Variants in SOX5 observed in about 807,000 individuals in gnomAD.
SOX5 encodes the protein SRY-box transcription factor 5.
A neutral mutation model predicts 92.0 loss-of-function variants in SOX5; 9 were observed. That is an observed-to-expected ratio of 0.10 (90% CI 0.06 to 0.17). SOX5 has a LOEUF of 0.17. Ranked by LOEUF, SOX5 falls within the 10% of genes least tolerant of loss-of-function variation. The pLI is 1.00. For synonymous variants in SOX5, 344 were observed against 336.3 expected (o/e 1.02, Z -0.25); for missense variants, 642 against 944.5 (o/e 0.68, Z 4.20).
chr12:24,241,059 A>T lies in SOX5; in HGVS notation c.-76-27642T>A, dbSNP rs145752872. On this transcript the variant is annotated intron_variant, in intron 3 of 4. Coordinates refer to the SOX5 transcript ENST00000446891. The stretch of plus-strand genomic sequence containing the variant: ...TGATGTACTATGAATTCCCTCTCTC[A>T]GTTTTTATAACTCTAGAAGAGTAGA... 3.5e-3 allele frequency among the ~76,000 whole-genome samples: 534 copies of T among 152,060 alleles called. 4 individuals are homozygous for T. The highest frequency in any genetic ancestry group is 0.012 in the African/African-American group (512 of 41,438).
chr12:23,860,146 G>T (rs1046259426), intron 2 of SOX5, among the ~76,000 whole-genome samples: 13 of 152,014 alleles, frequency 8.6e-5, no homozygotes, highest in African/African-American at 3.1e-4. Context: ...GGTCTTCTTG[G>T]GGGGAAACGG....
At chr12:24,098,237 A>G (rs999612105) in intron 4 of SOX5, among the ~76,000 whole-genome samples, 3 of 152,164 alleles carry the variant, frequency 2.0e-5, no homozygotes, top group Non-Finnish European at 2.9e-5. Flanking sequence ...ACACATCCTT[A>G]TTAACCACTT....
At chr12:24,460,158 G>A (rs1943464496) in intron 1 of SOX5, among the ~76,000 whole-genome samples, 1 of 152,142 alleles carries the variant, frequency 6.6e-6, no homozygotes, top group African/African-American at 2.4e-5. Context: ...AGTGCTGGTG[G>A]CAGCAACGAA....
At chr12:24,185,535 G>A (rs983237514) in intron 4 of SOX5, among the ~76,000 whole-genome samples, 3 of 152,124 alleles carry the variant, frequency 2.0e-5, no homozygotes, top group East Asian at 1.9e-4. Context: ...GAGACTATGC[G>A]TGATTTTGTT....
In SOX5 at chr12:24,138,361, C is replaced by A. The variant is rs537333474; in HGVS notation, c.-2+74982G>T. Among the ~76,000 whole-genome samples the A allele has an allele frequency of 6.6e-4, 100 of 152,344 alleles. 1 individual carries two copies. In the South Asian group the frequency reaches 0.02, roughly 30 times the overall value. Reference sequence around the variant, plus strand: ...GCAGTTTGCATTTATTTTACAAGGGCTATATTGATCTTATACACAGAGATG... The same window carrying A: ...GCAGTTTGCATTTATTTTACAAGGGATATATTGATCTTATACACAGAGATG... On this transcript the variant is annotated intron_variant, in intron 4 of 4. Transcript: ENST00000446891.
At chr12:24,466,573 C>T (rs7969711) in intron 1 of SOX5, among the ~76,000 whole-genome samples, 28,616 of 152,072 alleles carry the variant, frequency 0.19, 2,817 homozygotes, top group Middle Eastern at 0.25. Context: ...CGAGGTAGCC[C>T]ACTAGTTGGC....
intron 1 of SOX5, among the ~76,000 whole-genome samples, chr12:23,932,713 A>G (rs1390566759): frequency 6.6e-6 from 1 of 151,552 alleles, no homozygotes; most frequent in Non-Finnish European, 1.5e-5. Flanking sequence ...AGGTTTCTGT[A>G]TCTGATTAAA....
intron 3 of SOX5, among the ~76,000 whole-genome samples, chr12:23,800,816 A>G (rs1248808684): frequency 1.3e-5 from 2 of 152,162 alleles, no homozygotes; most frequent in Non-Finnish European, 2.9e-5. Context: ...TAACAACACC[A>G]TATATATAGC....
intron 3 of SOX5, among the ~76,000 whole-genome samples, chr12:23,843,117 T>C (rs1161610849): frequency 6.6e-6 from 1 of 152,026 alleles, no homozygotes; most frequent in Admixed American, 6.6e-5. Flanking sequence ...CAAATTCCAA[T>C]AGAGAGATAT....
chr12:23,991,578 A>G (rs1416160153), intron 4 of SOX5, among the ~76,000 whole-genome samples: 4 of 152,052 alleles, frequency 2.6e-5, no homozygotes, highest in Non-Finnish European at 5.9e-5. Flanking sequence ...CAAATAACGA[A>G]TTATACATTT....
intron 3 of SOX5, among the ~76,000 whole-genome samples, chr12:24,253,640 T>C (rs576959327): frequency 6.6e-6 from 1 of 152,306 alleles, no homozygotes; most frequent in East Asian, 1.9e-4. Flanking sequence ...TGGGCTATCA[T>C]GCAGAAGGAA....
rs147661146 is a variant in SOX5 at position 24,454,076 on chromosome 12, T to C, written c.-250-85437A>G. On this transcript the variant is annotated intron_variant, in intron 1 of 4. Coordinates refer to the SOX5 transcript ENST00000446891. ...AAAGCAATGGTAGAGAGGGCTTCTC[T>C]AGAGCTATATTCTTTGTTTCTTCAT... 7.6e-3 allele frequency among the ~76,000 whole-genome samples: 1,157 copies of C among 152,340 alleles called. 16 individuals are homozygous for C. The highest frequency in any genetic ancestry group is 0.027 in the African/African-American group (1,126 of 41,580).
intron 3 of SOX5, among the ~76,000 whole-genome samples, chr12:24,258,515 A>G (rs967366396): frequency 6.6e-6 from 1 of 152,204 alleles, no homozygotes; most frequent in African/African-American, 2.4e-5. Context: ...TTAAAAAGTT[A>G]CCTGTTATTT....
chr12:23,712,553 G>A (rs979622918), intron 6 of SOX5, among the ~76,000 whole-genome samples: 2 of 152,172 alleles, frequency 1.3e-5, no homozygotes, highest in Non-Finnish European at 2.9e-5. Context: ...TCACATGTTA[G>A]TATTATTAGC....
intron 2 of SOX5, among the ~76,000 whole-genome samples, chr12:24,303,839 C>T (rs115481007): frequency 0.011 from 1,648 of 152,142 alleles, 37 homozygotes; most frequent in African/African-American, 0.037. Context: ...GGGGGAGGCA[C>T]CTTAAAAGCT....
chr12:24,479,140 A>G (rs1165496618), intron 1 of SOX5, among the ~76,000 whole-genome samples: 1 of 152,178 alleles, frequency 6.6e-6, no homozygotes, highest in Non-Finnish European at 1.5e-5. Flanking sequence ...TTCTCTCTAT[A>G]AGAAATGTCA....
intron 3 of SOX5, among the ~76,000 whole-genome samples, chr12:23,781,884 T>C (rs763575862): frequency 6.6e-6 from 1 of 152,118 alleles, no homozygotes; most frequent in African/African-American, 2.4e-5. Flanking sequence ...TGAAGTTATA[T>C]AGAAACAATG....
chr12:24,164,333 CAAT>C (rs1487955554), intron 4 of SOX5, among the ~76,000 whole-genome samples: 4 of 151,964 alleles, frequency 2.6e-5, no homozygotes, highest in Non-Finnish European at 5.9e-5. Context: ...CTAAACATTA[CAAT>C]AATATATGCT....
intron 2 of SOX5, among the ~76,000 whole-genome samples, chr12:23,851,094 A>ACCTTATCAAGATAAAAGTTTACC (rs2096628775): frequency 6.6e-6 from 1 of 152,024 alleles, no homozygotes; most frequent in Non-Finnish European, 1.5e-5. Flanking sequence ...GAAAAAAAAA[A>ACCTTATCAAGATAAAAGTTTACC]CCTTATCAAG....
Sources: gnomAD v4.1 joint callset for allele counts (sites outside exome capture counted in the v4.1 genomes callset) on GRCh38, gnomAD v4.1.1 for gene constraint, MANE v1.5 for transcripts, NCBI Gene and HGNC (gene_info 2026-07-23, HGNC 2026-07-21) for gene names.